PPFIA2: variants seen among roughly 807,000 people sequenced by gnomAD.
PPFIA2 encodes the protein PPFI scaffold protein A2.
In PPFIA2, 46 loss-of-function variants were observed where a neutral mutation model predicts 175.5. The ratio of observed to expected loss-of-function variants is 0.26; its 90% CI spans 0.21 to 0.34. The LOEUF (loss-of-function observed/expected upper bound fraction) is 0.34, where lower values mean the gene tolerates loss of function less well. Among genes scored for constraint, PPFIA2 ranks in the 10% least tolerant of loss-of-function variants. PPFIA2 has a pLI of 1.00. For synonymous variants in PPFIA2, 568 were observed against 511.4 expected (o/e 1.11, Z -1.49); for missense variants, 1,179 against 1,506.1 (o/e 0.78, Z 3.60).
intron 17 of PPFIA2, among the ~76,000 whole-genome samples, chr12:81,349,852 T>C (rs1344167195): frequency 6.6e-6 from 1 of 152,170 alleles, no homozygotes; most frequent in African/African-American, 2.4e-5. Flanking sequence ...GTAATTTGAA[T>C]CAGCGAGCTG....
chr12:81,473,047 C>A (rs763315620), intron 4 of PPFIA2: 1 of 152,200 alleles, frequency 6.6e-6, no homozygotes, highest in African/African-American at 2.4e-5. Flanking sequence ...TATCCTGTAG[C>A]TATTTACTCA....
intron 4 of PPFIA2, among the ~76,000 whole-genome samples, chr12:81,649,736 T>C (rs1595995292): frequency 6.6e-6 from 1 of 152,188 alleles, no homozygotes; most frequent in East Asian, 1.9e-4. Flanking sequence ...TTTACACTAC[T>C]GATACCGCAA....
intron 3 of PPFIA2, among the ~76,000 whole-genome samples, chr12:81,730,872 C>T (rs546181775): frequency 2.5e-4 from 38 of 150,720 alleles, no homozygotes; most frequent in African/African-American, 6.8e-4. Context: ...CTAGAAGGCA[C>T]GAAAAGTATA....
chr12:81,715,840 T>A (rs1567978906), intron 3 of PPFIA2, among the ~76,000 whole-genome samples: 2 of 151,698 alleles, frequency 1.3e-5, no homozygotes, highest in Non-Finnish European at 3.0e-5. Context: ...AAAAATTAAA[T>A]AATTAAAATC....
chr12:81,533,526 C>A (rs1283009090), intron 4 of PPFIA2, among the ~76,000 whole-genome samples: 1 of 151,398 alleles, frequency 6.6e-6, no homozygotes, highest in Non-Finnish European at 1.5e-5. Flanking sequence ...TGAAATTTTC[C>A]ACCTTTGAAA....
At chr12:81,293,687 T>C (rs1158979124) in intron 24 of PPFIA2, among the ~76,000 whole-genome samples, 1 of 151,854 alleles carries the variant, frequency 6.6e-6, no homozygotes, top group East Asian at 1.9e-4. Flanking sequence ...TATACACTGT[T>C]GGTGGGAATG....
chr12:81,597,749 T>A (rs2059399333), intron 4 of PPFIA2, among the ~76,000 whole-genome samples: 1 of 152,024 alleles, frequency 6.6e-6, no homozygotes, highest in African/African-American at 2.4e-5. Context: ...TCACTATTTT[T>A]TTTTTTAATT....
intron 8 of PPFIA2, among the ~76,000 whole-genome samples, chr12:81,391,243 T>C (rs1302780926): frequency 6.6e-6 from 1 of 151,938 alleles, no homozygotes; most frequent in African/African-American, 2.4e-5. Flanking sequence ...TGAGTTATTA[T>C]ATTTCAAGTA....
chr12:81,306,468 C>T (rs530183478), intron 22 of PPFIA2, among the ~76,000 whole-genome samples: 20 of 151,288 alleles, frequency 1.3e-4, no homozygotes, highest in African/African-American at 4.9e-4. Flanking sequence ...AAGTAACTCA[C>T]ACAAAAGGCA....
intron 7 of PPFIA2, among the ~76,000 whole-genome samples, chr12:81,427,736 C>T (rs914297209): frequency 6.6e-5 from 10 of 151,984 alleles, no homozygotes; most frequent in African/African-American, 2.4e-4. Context: ...CTAATGTTTA[C>T]TTTTGAGTCC....
chr12:81,429,304 C>T (rs1437558010), intron 7 of PPFIA2, among the ~76,000 whole-genome samples: 1 of 151,942 alleles, frequency 6.6e-6, no homozygotes, highest in Admixed American at 6.6e-5. Flanking sequence ...AGAAATGATT[C>T]TTATTTTTAG....
intron 4 of PPFIA2, chr12:81,597,968 C>T: frequency 3.9e-6 from 6 of 1,534,930 alleles, no homozygotes; most frequent in Non-Finnish European, 5.2e-6. Context: ...AGTGTAAAAC[C>T]GGGTCCCATT....
chr12:81,729,316 A>G (rs950773044), intron 3 of PPFIA2, among the ~76,000 whole-genome samples: 6 of 151,554 alleles, frequency 4.0e-5, no homozygotes, highest in Non-Finnish European at 8.9e-5. Context: ...CATAAATGAT[A>G]AAACATTCAA....
At chr12:81,744,236 T>C (rs1021894200) in intron 3 of PPFIA2, among the ~76,000 whole-genome samples, 10 of 152,082 alleles carry the variant, frequency 6.6e-5, no homozygotes, top group Admixed American at 3.9e-4. Flanking sequence ...TTATAGTCTA[T>C]AAAATATGCT....
intron 14 of PPFIA2, among the ~76,000 whole-genome samples, chr12:81,365,802 T>G (rs542359729): frequency 1.3e-5 from 2 of 151,932 alleles, no homozygotes; most frequent in South Asian, 2.1e-4. Flanking sequence ...CACATTACAT[T>G]GTTCTAAAGA....
intron 9 of PPFIA2, among the ~76,000 whole-genome samples, chr12:81,381,321 C>T (rs1003206758): frequency 2.0e-5 from 3 of 152,042 alleles, no homozygotes; most frequent in Non-Finnish European, 4.4e-5. Context: ...TAAAAGAACA[C>T]CTGGCATCAT....
chr12:81,721,915 T>C (rs1303839580), intron 3 of PPFIA2, among the ~76,000 whole-genome samples: 1 of 151,130 alleles, frequency 6.6e-6, no homozygotes, highest in African/African-American at 2.4e-5. Flanking sequence ...GATATAACAG[T>C]GTCTGATATA....
At chr12:81,554,970 T>G (rs926344333) in intron 4 of PPFIA2, among the ~76,000 whole-genome samples, 7 of 152,000 alleles carry the variant, frequency 4.6e-5, no homozygotes, top group South Asian at 2.1e-4. Context: ...TAGACATTTT[T>G]GGGGGAATAG....
At chr12:81,697,229 C>A (rs1214362868) in intron 3 of PPFIA2, among the ~76,000 whole-genome samples, 2 of 152,062 alleles carry the variant, frequency 1.3e-5, no homozygotes, top group Non-Finnish European at 2.9e-5. Flanking sequence ...TGTATACACT[C>A]CAAGTGACAT....
Sources: allele counts gnomAD v4.1 joint callset (sites outside exome capture counted in the v4.1 genomes callset), GRCh38; gene constraint gnomAD v4.1.1; transcripts MANE v1.5; gene names NCBI Gene and HGNC (gene_info 2026-07-23, HGNC 2026-07-21).